The following NCAN variants were observed in gnomAD, a reference collection of about 807,000 sequenced individuals.
NCAN encodes the protein neurocan, also known as neurocan core protein.
A neutral mutation model predicts 121.8 loss-of-function variants in NCAN; 47 were observed. The ratio of observed to expected loss-of-function variants is 0.39; its 90% CI spans 0.31 to 0.49. The LOEUF (loss-of-function observed/expected upper bound fraction) is 0.49. Among genes scored for constraint, NCAN ranks in the 20% least tolerant of loss-of-function variants. The probability of loss-of-function intolerance (pLI) is 0.92; values close to 1 mark genes in which losing one functional copy is unlikely to be tolerated. For missense variants in NCAN, 1,517 were observed against 1,773.4 expected (o/e 0.86, Z 2.60); for synonymous variants, 633 against 702.0 (o/e 0.90, Z 1.55).
intron 13 of NCAN, among the ~76,000 whole-genome samples, chr19:19,246,966 A>T (rs1222449440): frequency 6.6e-5 from 10 of 152,252 alleles, no homozygotes; most frequent in Admixed American, 2.0e-4. Flanking sequence ...AGAGATCTTT[A>T]TATATGAAAG....
At chr19:19,216,496 G>A (rs924079272) in intron 1 of NCAN, among the ~76,000 whole-genome samples, 3 of 152,136 alleles carry the variant, frequency 2.0e-5, no homozygotes, top group African/African-American at 7.2e-5. Context: ...ATTTTTAGTA[G>A]AGACGGGGTT....
chr19:19,213,040 C>G (rs749119020), intron 1 of NCAN, among the ~76,000 whole-genome samples: 11 of 152,138 alleles, frequency 7.2e-5, no homozygotes, highest in Non-Finnish European at 1.3e-4. Context: ...AGACCCCCAT[C>G]CCTACGCGTG....
chr19:19,236,729 C>CT lies in NCAN; in HGVS notation c.3251-1508dup, dbSNP rs112451049. ...ACAGACATGAGCCACTGTGCTTGGCCTTTTTTTTTTTTTTTTGAAACAGGT... is the reference window on the plus strand; with the variant it reads ...ACAGACATGAGCCACTGTGCTTGGCCTTTTTTTTTTTTTTTTTGAAACAGGT... On this transcript the variant is annotated intron_variant, in intron 10 of 14. Transcript: ENST00000252575. 2.7e-3 allele frequency among the ~76,000 whole-genome samples: 370 copies of CT among 136,420 alleles called. 2 individuals carry two copies. Among genetic ancestry groups the CT allele is most frequent in the East Asian group, 0.016 (77 of 4,760 alleles). 89.5% of individuals were successfully genotyped at this position (136,420 alleles called of 152,430 possible).
rs761206136 is a variant in NCAN at position 19,219,059 on chromosome 19, C to A, written c.218C>A (p.Ala73Asp). 1 of 1,611,852 alleles carries A rather than the reference C, an allele frequency of 6.2e-7. No individual in the cohort carries two copies. Among genetic ancestry groups the A allele is most frequent in the Non-Finnish European group, 8.5e-7 (1 of 1,178,898 alleles). ...LQPRPSAARDAPRIKWTKVRT... is the reference protein window; with the variant it reads ...LQPRPSAARDDPRIKWTKVRT... ...CCACGGCCAAGCGCAGCCCGAGATG[C>A]CCCTCGGATAAAGTGGACCAAGGTG... The change falls in exon 3 of 15, where the codon GCC (alanine) becomes GAC (aspartate). Residue 73 changes from alanine (A) to aspartate (D), a missense_variant. Ala to Asp is a moderately radical substitution (Grantham distance 126). Coordinates refer to ENST00000252575, the MANE Select transcript of NCAN (RefSeq NM_004386.3).
intron 1 of NCAN, among the ~76,000 whole-genome samples, chr19:19,214,763 T>TGTGTGA (rs1491267976): frequency 9.4e-4 from 87 of 92,168 alleles, no homozygotes; most frequent in African/African-American, 1.1e-3. Flanking sequence ...TGTGTGTGTG[T>TGTGTGA]GAGAGAGAGA....
chr19:19,245,499 G>T, intron 13 of NCAN, 42 bp downstream of exon 13: 1 of 1,598,594 alleles, frequency 6.3e-7, no homozygotes, highest in Non-Finnish European at 8.5e-7. Context: ...TGTCACTTTT[G>T]CTCACTGGTT....
rs375566714 is a variant in NCAN, at chr19:19,228,233, G to T, written c.2613G>T (p.Thr871=). Residue 871 remains threonine (T), a synonymous_variant, in exon 8 of 15, where the codon ACG becomes ACT. Transcript: ENST00000252575. ...PQVALDTSIV[T]PLTTLEQGDK... ...TGGCCCTGGATACAAGCATTGTGAC[G>T]CCCCTCACGACCCTGGAGCAGGGGG... 1 of 1,613,858 alleles carries T rather than the reference G, an allele frequency of 6.2e-7. No homozygotes were observed. Among genetic ancestry groups the T allele is most frequent in the South Asian group, 1.1e-5 (1 of 91,082 alleles).
chr19:19,242,226 TAAGA>T (rs1441924674), intron 12 of NCAN, among the ~76,000 whole-genome samples: 1 of 151,162 alleles, frequency 6.6e-6, no homozygotes, highest in East Asian at 2.0e-4. Context: ...AAAATTGTAC[TAAGA>T]AAGAAAAAGA....
chr19:19,238,550 C>T, intron 11 of NCAN, 139 bp downstream of exon 11: 1 of 939,656 alleles, frequency 1.1e-6, no homozygotes, highest in Non-Finnish European at 1.6e-6. Flanking sequence ...AACGCAAGCC[C>T]TGACTGCTTC....
rs746859583 is a variant in NCAN, at chr19:19,224,016, C to G, written c.476-5C>G. 4.0e-6 allele frequency: 6 copies of G among 1,510,782 alleles called. No individual in the cohort carries two copies. The South Asian group carries it at 5.3e-5, about 13-fold the overall frequency. The allele number at this position is 1,510,782 out of a possible 1,614,324, so 93.6% of individuals were successfully genotyped here. On this transcript the variant is annotated splice_polypyrimidine_tract_variant and splice_region_variant and intron_variant, in intron 3 of 14. Transcript: ENST00000252575. ...TGTCCCCCCATCCTGGATGTTCCCC[C>G]ACAGGTGTTGTGTTCCACTACCGAT...
At chr19:19,240,940 T>C (rs1420838646) in intron 12 of NCAN, among the ~76,000 whole-genome samples, 1 of 152,178 alleles carries the variant, frequency 6.6e-6, no homozygotes, top group Non-Finnish European at 1.5e-5. Context: ...ATGCCTCCCC[T>C]ACTCACTCTG....
Position 19,227,186 on chromosome 19 carries a change from C to G in NCAN, c.1661-95C>G. Reference sequence around the variant, plus strand: ...GGAAGCTCCAAATCCCAGCTGGGTCCTCTGGCCCCAGAAGCCCCCTCTCCC... The same window carrying G: ...GGAAGCTCCAAATCCCAGCTGGGTCGTCTGGCCCCAGAAGCCCCCTCTCCC... On this transcript the variant is annotated intron_variant, in intron 7 of 14. Coordinates refer to ENST00000252575, the MANE Select transcript of NCAN (RefSeq NM_004386.3). The surrounding 1 kb of genome is among the most constrained non-coding windows in gnomAD (Gnocchi z 4.2). The G allele has an allele frequency of 1.3e-6, 2 of 1,493,002 alleles. No homozygotes were observed. The highest frequency in any genetic ancestry group is 2.3e-5 in the Admixed American group (1 of 43,646). The allele number at this position is 1,493,002 out of a possible 1,614,324, so 92.5% of individuals were successfully genotyped here. A position where few individuals can be genotyped will look rare whatever the true frequency, so the allele number is the denominator to read the frequency against.
intron 8 of NCAN, among the ~76,000 whole-genome samples, chr19:19,230,403 ATTTTT>A (rs5827436): frequency 1.7e-5 from 2 of 118,478 alleles, no homozygotes; most frequent in East Asian, 2.5e-4. Context: ...CCACCCCCAA[ATTTTT>A]TTTTTTTTTT....
At position 19,244,768 on chromosome 19, in the gene NCAN, A is replaced by G. The variant is rs373216125; in HGVS notation, c.3493-545A>G. Among the ~76,000 whole-genome samples the G allele has an allele frequency of 8.1e-4, 105 of 129,362 alleles. 4 individuals are homozygous for G. The South Asian group carries it at 0.024, about 30-fold the overall frequency. 84.9% of individuals were successfully genotyped at this position (129,362 alleles called of 152,430 possible). A position where few individuals can be genotyped will look rare whatever the true frequency, so the allele number is the denominator to read the frequency against. On this transcript the variant is annotated intron_variant, in intron 12 of 14. Coordinates refer to ENST00000252575, the MANE Select transcript of NCAN (RefSeq NM_004386.3). ...TTTGAGGCAGAGTCTCGGTCTTGTC[A>G]CCCAGGCTGGAGTACAATAGCGCAA...
chr19:19,235,164 C>T (rs1292085684), intron 10 of NCAN, 68 bp downstream of exon 10: 1 of 943,556 alleles, frequency 1.1e-6, no homozygotes, highest in East Asian at 2.4e-5. Flanking sequence ...ACAGGCTTCC[C>T]CACATACTCC....
At position 19,221,886 on chromosome 19, in the gene NCAN, GAC is replaced by G. The variant is rs1394408626; in HGVS notation, c.476-2134_476-2133del. 4.0e-5 allele frequency among the ~76,000 whole-genome samples: 6 copies of G among 149,790 alleles called. No homozygotes were observed. In the South Asian group the frequency reaches 1.3e-3, roughly 32 times the overall value. On this transcript the variant is annotated intron_variant, in intron 3 of 14. Coordinates refer to ENST00000252575, the MANE Select transcript of NCAN (RefSeq NM_004386.3). The stretch of plus-strand genomic sequence containing the variant: ...AGCCTGGGTGACAGAGGGAGACCCT[GAC>G]TCAAATAAATAAATAAATAAATAGT...
chr19:19,224,119 C>A lies in NCAN; in HGVS notation c.574C>A (p.Pro192Thr), dbSNP rs546212905. The A allele has an allele frequency of 6.2e-7, 1 of 1,609,670 alleles. No individual in the cohort carries two copies. Among genetic ancestry groups the A allele is most frequent in the Admixed American group, 1.7e-5 (1 of 59,850 alleles). The change falls in exon 4 of 15, where the codon CCT becomes ACT. Residue 192 changes from proline to threonine, a missense_variant. Transcript: ENST00000252575. The stretch of plus-strand genomic sequence containing the variant: ...TCTCAGCTCAGCCATCATTGCAGCC[C>A]CTCGGCATCTACAGGCTGCCTTTGA... ...CRLSSAIIAA[P>T]RHLQAAFEDG... is the part of the protein sequence containing the mutation.
Position 19,228,646 on chromosome 19 carries a change from A to G in NCAN, c.3019+7A>G. 6.2e-7 allele frequency: 1 copy of G among 1,601,156 alleles called. No individual in the cohort carries two copies. Among genetic ancestry groups the G allele is most frequent in the South Asian group, 1.1e-5 (1 of 89,952 alleles). Reference sequence around the variant, plus strand: ...AATGCAGGTGCGGAGGAGGGTGAGTACAAAGTCCCGGGGCTCTGTCCAGCT... The same window carrying G: ...AATGCAGGTGCGGAGGAGGGTGAGTGCAAAGTCCCGGGGCTCTGTCCAGCT... On this transcript the variant is annotated splice_region_variant and intron_variant, in intron 8 of 14. Transcript: ENST00000252575.
chr19:19,229,189 ACAGAGTGAGACTCT>A (rs1410763181), intron 8 of NCAN, among the ~76,000 whole-genome samples: 1 of 152,198 alleles, frequency 6.6e-6, no homozygotes, highest in East Asian at 1.9e-4. Context: ...AGCCTGGGTG[ACAGAGTGAGACTCT>A]GTCAAAAACA....
Sources: allele counts gnomAD v4.1 joint callset (sites outside exome capture counted in the v4.1 genomes callset), GRCh38; gene constraint gnomAD v4.1.1; non-coding constraint Gnocchi (gnomAD v3.1); transcripts MANE v1.5; gene names NCBI Gene and HGNC (gene_info 2026-07-23, HGNC 2026-07-21).